CLC: variants seen among roughly 807,000 people sequenced by gnomAD.
The protein encoded by CLC is Charcot-Leyden crystal galectin.
Under a neutral mutation model 13.9 loss-of-function variants are expected in CLC, and 15 were observed. That is an observed-to-expected ratio of 1.08 (90% CI 0.72 to 1.66). CLC has a LOEUF of 1.66. Among genes scored for constraint, CLC ranks in the 40% most tolerant of loss-of-function variants. CLC has a pLI of 0.00. For synonymous variants in CLC, 68 were observed against 59.9 expected (o/e 1.14, Z -0.63); for missense variants, 161 against 169.1 (o/e 0.95, Z 0.27).
chr19:39,735,054 G>A lies in CLC; in HGVS notation c.35C>T (p.Ala12Val). The A allele has an allele frequency of 6.2e-7, 1 of 1,613,870 alleles. No individual in the cohort carries two copies. The highest frequency in any genetic ancestry group is 8.5e-7 in the Non-Finnish European group (1 of 1,179,806). The change falls in exon 2 of 4, where the codon GCC (alanine) becomes GTC (valine). Residue 12 changes from alanine to valine, a missense_variant. Ala to Val is a moderately conservative substitution (Grantham distance 64, BLOSUM62 0). Coordinates refer to ENST00000221804, the MANE Select transcript of CLC (RefSeq NM_001828.6). ...SLLPVPYTEA[A>V]SLSTGSTVTI... Reference sequence around the variant, plus strand: ...CACAGTAGAACCAGTAGACAAAGAGGCAGCCTCTGTGTATGGCACCTGCCA... The same window carrying A: ...CACAGTAGAACCAGTAGACAAAGAGACAGCCTCTGTGTATGGCACCTGCCA...
Position 39,734,404 on chromosome 19 carries a change from C to T in CLC, c.182G>A (p.Arg61His), listed in dbSNP as rs140514392. 1.4e-5 allele frequency: 23 copies of T among 1,614,100 alleles called. No homozygotes were observed. The highest frequency in any genetic ancestry group is 8.3e-5 in the Admixed American group (5 of 60,016). Residue 61 changes from arginine (R) to histidine (H), a missense_variant, in exon 3 of 4, where the codon CGT becomes CAT. By Grantham distance (29) the Arg-to-His change is conservative. Coordinates refer to ENST00000221804, the MANE Select transcript of CLC (RefSeq NM_001828.6). ...VFHFQVCFGR[R>H]VVMNSREYGA... ...ATACTCACGGCTGTTCATGACCACACGACGACCAAAGCACACTTGGAAATG... is the reference window on the plus strand; with the variant it reads ...ATACTCACGGCTGTTCATGACCACATGACGACCAAAGCACACTTGGAAATG...
At chr19:39,735,395 C>A (rs2144918555) in intron 1 of CLC, among the ~76,000 whole-genome samples, 1 of 152,274 alleles carries the variant, frequency 6.6e-6, no homozygotes, top group East Asian at 1.9e-4. Flanking sequence ...ACAATCACAG[C>A]CCACTTCAAC....
rs1330384461 is a variant in CLC at position 39,731,536 on chromosome 19, C to G, written c.304-31G>C. ...GAAGGAAAAAAATACATCAGAAAGACAGTATTTCACCAAACAAGCTTTCAG... is the reference window on the plus strand; with the variant it reads ...GAAGGAAAAAAATACATCAGAAAGAGAGTATTTCACCAAACAAGCTTTCAG... On this transcript the variant is annotated intron_variant, in intron 3 of 3. Coordinates refer to ENST00000221804, the MANE Select transcript of CLC (RefSeq NM_001828.6). The G allele has an allele frequency of 4.4e-6, 7 of 1,580,070 alleles. No individual in the cohort carries two copies. In the East Asian group the frequency reaches 1.6e-4, roughly 36 times the overall value.
chr19:39,732,917 T>G, intron 3 of CLC, among the ~76,000 whole-genome samples: 3 of 135,162 alleles, frequency 2.2e-5, no homozygotes, highest in Non-Finnish European at 3.3e-5. Context: ...AAGACAAAAT[T>G]GACAAATGGG....
chr19:39,731,655 A>T, intron 3 of CLC, 150 bp from the exon 4 acceptor site: 1 of 724,606 alleles, frequency 1.4e-6, no homozygotes, highest in Non-Finnish European at 2.2e-6. Flanking sequence ...TTTTTTACAG[A>T]CTACCTGTTG....
At chr19:39,736,603 C>T (rs933251431) in intron 1 of CLC, among the ~76,000 whole-genome samples, 7 of 151,944 alleles carry the variant, frequency 4.6e-5, no homozygotes, top group African/African-American at 1.7e-4. Flanking sequence ...GGAGAAACCC[C>T]ATCTCTACTG....
At position 39,735,006 on chromosome 19, in the gene CLC, G is replaced by A. The variant is rs17608; in HGVS notation, c.83C>T (p.Ala28Val). 0.66 allele frequency: 1,060,634 copies of A among 1,609,258 alleles called. 355,250 individuals are homozygous for A. The highest frequency in any genetic ancestry group is 0.77 in the African/African-American group (57,973 of 74,870). The change falls in exon 2 of 4, where the codon GCC (alanine) becomes GTC (valine). Residue 28 changes from alanine (A) to valine (V), a missense_variant. By Grantham distance (64) the Ala-to-Val change is moderately conservative. Transcript: ENST00000221804. ...STVTIKGRPL[A>V]CFLNEPYLQV... ...ACCATGGAGTACTCACAAGAAACAG[G>A]CAAGTGGTCGCCCTTTGATTGTCAC...
Position 39,735,018 on chromosome 19 carries a change from C to T in CLC, c.71G>A (p.Gly24Glu). The T allele has an allele frequency of 6.2e-7, 1 of 1,613,558 alleles. No homozygotes were observed. Among genetic ancestry groups the T allele is most frequent in the South Asian group, 1.1e-5 (1 of 91,074 alleles). ...LSTGSTVTIK[G>E]RPLACFLNEP... The stretch of plus-strand genomic sequence containing the variant: ...TCACAAGAAACAGGCAAGTGGTCGC[C>T]CTTTGATTGTCACAGTAGAACCAGT... Residue 24 changes from glycine to glutamate, a missense_variant, in exon 2 of 4, where the codon GGG becomes GAG. Gly to Glu is a moderately conservative substitution (Grantham distance 98). Transcript: ENST00000221804.
chr19:39,737,849 G>T, intron 1 of CLC, 89 bp downstream of exon 1: 2 of 1,354,984 alleles, frequency 1.5e-6, no homozygotes, highest in South Asian at 1.3e-5. Context: ...ATTCACAGTA[G>T]AAATTTTCAT....
chr19:39,731,485 G>C lies in CLC; in HGVS notation c.324C>G (p.Ser108=). 5.6e-6 allele frequency: 9 copies of C among 1,611,140 alleles called. No homozygotes were observed. The highest frequency in any genetic ancestry group is 7.6e-6 in the Non-Finnish European group (9 of 1,177,890). ...TGATTCTATGGTCAAAGGTGTAAGA[G>C]GATTGGCCATTGACCATTACCTACA... The part of the protein sequence containing the change: ...DKYQVMVNGQ[S]SYTFDHRIKP... Residue 108 remains serine, a synonymous_variant, in exon 4 of 4, where the codon TCC becomes TCG. Transcript: ENST00000221804.
chr19:39,734,695 T>C (rs1967281740), intron 2 of CLC, among the ~76,000 whole-genome samples: 1 of 152,214 alleles, frequency 6.6e-6, no homozygotes, highest in Non-Finnish European at 1.5e-5. Context: ...AGATGGAAAC[T>C]GAGCCATAGT....
rs44048 is a variant in CLC, at chr19:39,735,762, C to T, written c.16-689G>A. 4.2e-4 allele frequency among the ~76,000 whole-genome samples: 64 copies of T among 152,112 alleles called. 1 individual carries two copies. In the East Asian group the frequency reaches 9.7e-3, roughly 23 times the overall value. The stretch of plus-strand genomic sequence containing the variant: ...AAACCCTTTAGCCTAAACCCTGGCA[C>T]GTATAGGGCCTGTTGGGGGTCCTCT... On this transcript the variant is annotated intron_variant, in intron 1 of 3. Transcript: ENST00000221804.
rs201383188 is a variant in CLC, at chr19:39,734,452, T to C, written c.134A>G (p.Lys45Arg). The C allele has an allele frequency of 8.2e-5, 133 of 1,614,178 alleles. 1 individual carries two copies. The Middle Eastern group carries it at 3.3e-3, about 40-fold the overall frequency. Residue 45 changes from lysine to arginine, a missense_variant, in exon 3 of 4, where the codon AAG (lysine) becomes AGG (arginine). Coordinates refer to ENST00000221804, the MANE Select transcript of CLC (RefSeq NM_001828.6). ...ATGGAAGACAATGTCTGATTCCTCC[T>C]TCATCTCAGTGTGGAAATCCACCTG... Reference protein sequence around the residue: ...YLQVDFHTEMKEESDIVFHFQ... With the variant: ...YLQVDFHTEMREESDIVFHFQ...
chr19:39,734,538 G>T, intron 2 of CLC, 45 bp from the exon 3 acceptor site: 2 of 1,524,936 alleles, frequency 1.3e-6, no homozygotes, highest in Non-Finnish European at 1.8e-6. Flanking sequence ...TTTCTTGTGG[G>T]GCACACACAA....
intron 3 of CLC, among the ~76,000 whole-genome samples, chr19:39,732,953 C>T (rs1967248758): frequency 7.1e-6 from 1 of 141,160 alleles, no homozygotes; most frequent in Non-Finnish European, 1.5e-5. Context: ...AGAGCTTCTG[C>T]ACAGCAAAAG....
intron 1 of CLC, among the ~76,000 whole-genome samples, chr19:39,735,349 G>C (rs531486913): frequency 3.3e-4 from 50 of 152,152 alleles, no homozygotes; most frequent in Non-Finnish European, 5.9e-5. Flanking sequence ...TTTTAGACAG[G>C]GTCTAATTGA....
chr19:39,732,067 ATTAT>A (rs931756771), intron 3 of CLC, among the ~76,000 whole-genome samples: 6 of 79,754 alleles, frequency 7.5e-5, no homozygotes, highest in African/African-American at 1.9e-4. Flanking sequence ...TGGTTATTAA[ATTAT>A]TTATTTATTA....
At chr19:39,734,063 A>G in intron 3 of CLC, 1 of 985,380 alleles carries the variant, frequency 1.0e-6, no homozygotes, top group Non-Finnish European at 1.2e-6. Flanking sequence ...CACCTGTTGA[A>G]TGAGAGAGGG....
chr19:39,735,952 A>G (rs1251776040), intron 1 of CLC, among the ~76,000 whole-genome samples: 1 of 152,206 alleles, frequency 6.6e-6, no homozygotes, highest in African/African-American at 2.4e-5. Context: ...TAATGACACT[A>G]TAAACATTTC....
Sources: gnomAD v4.1 joint callset for allele counts (sites outside exome capture counted in the v4.1 genomes callset) on GRCh38, gnomAD v4.1.1 for gene constraint, MANE v1.5 for transcripts, NCBI Gene and HGNC (gene_info 2026-07-23, HGNC 2026-07-21) for gene names.